Variants in SIX3 observed in about 807,000 individuals in gnomAD.
SIX3 encodes the protein homeobox protein SIX3.
A neutral mutation model predicts 21.7 loss-of-function variants in SIX3; 2 were observed. The observed-to-expected ratio is 0.09, with a 90% CI of 0.04 to 0.29. The LOEUF (loss-of-function observed/expected upper bound fraction) is 0.29. Ranked by LOEUF, SIX3 falls within the 10% of genes least tolerant of loss-of-function variation. The pLI is 1.00. For synonymous variants in SIX3, 243 were observed against 220.6 expected (o/e 1.10, Z -0.90); for missense variants, 347 against 480.7 (o/e 0.72, Z 2.60).
chr2:44,944,476 T>C lies in SIX3; in HGVS notation c.807-92T>C, dbSNP rs1369390374. The C allele has an allele frequency of 1.3e-5, 18 of 1,381,396 alleles. No individual in the cohort carries two copies. The East Asian group carries it at 4.0e-4, about 31-fold the overall frequency. 85.6% of individuals were successfully genotyped at this position (1,381,396 alleles called of 1,614,324 possible). On this transcript the variant is annotated intron_variant, in intron 1 of 1. Transcript: ENST00000260653. ...AGCCTCTATCTGAGAAGACTTGGGA[T>C]GCTCCCGAAAGCGGAATGGGGAGCG... is the stretch of plus-strand genomic sequence containing the variant.
chr2:44,942,728 G>A lies in SIX3; in HGVS notation c.624G>A (p.Gln208=). The change falls in exon 1 of 2, where the codon CAG becomes CAA. Residue 208 remains glutamine, a synonymous_variant. Coordinates refer to ENST00000260653, the MANE Select transcript of SIX3 (RefSeq NM_005413.4). This position sits in a 1 kb window ranked among gnomAD's most constrained non-coding sequence, Gnocchi z 8.4. ...CACGCACCATCTGGGACGGCGAGCAGAAGACGCATTGCTTCAAGGAGCGGA... is the reference window on the plus strand; with the variant it reads ...CACGCACCATCTGGGACGGCGAGCAAAAGACGCATTGCTTCAAGGAGCGGA... ...PLPRTIWDGE[Q]KTHCFKERTR... is the part of the protein sequence containing the mutation. 6.2e-7 allele frequency: 1 copy of A among 1,602,098 alleles called. No individual in the cohort carries two copies. The highest frequency in any genetic ancestry group is 1.1e-5 in the South Asian group (1 of 91,080).
chr2:44,945,003 T>TACC lies in SIX3; in HGVS notation c.*246_*248dup. 1.8e-6 allele frequency: 1 copy of TACC among 568,950 alleles called. No homozygotes were observed. 35.2% of individuals were successfully genotyped at this position (568,950 alleles called of 1,614,324 possible). On this transcript the variant is annotated 3_prime_UTR_variant, in exon 2 of 2. Coordinates refer to ENST00000260653, the MANE Select transcript of SIX3 (RefSeq NM_005413.4). Reference sequence around the variant, plus strand: ...CTATCAACAACCCCCAACCACCATCTACCACTACGGCCACCCCAAAGGACC... The same window carrying TACC: ...CTATCAACAACCCCCAACCACCATCTACCACCACTACGGCCACCCCAAAGGACC...
rs1427367260 is a variant in SIX3 at position 44,944,552 on chromosome 2, TC to T, written c.807-15del. On this transcript the variant is annotated splice_polypyrimidine_tract_variant and intron_variant, in intron 1 of 1. Transcript: ENST00000260653. The stretch of plus-strand genomic sequence containing the variant: ...GCCTCTGTGTCAGGGCGGGCGCGGA[TC>T]TCTTTCTCCCGCAGGCTCCAGCACC... 6.4e-7 allele frequency: 1 copy of T among 1,562,880 alleles called. No individual in the cohort carries two copies. The highest frequency in any genetic ancestry group is 1.8e-5 in the Admixed American group (1 of 57,016).
chr2:44,945,150 A>C lies in SIX3; in HGVS notation c.*390A>C. The C allele has an allele frequency of 4.5e-6, 1 of 224,332 alleles. No individual in the cohort carries two copies. Among genetic ancestry groups the C allele is most frequent in the South Asian group, 8.5e-5 (1 of 11,744 alleles). The allele number at this position is 224,332 out of a possible 1,614,324, so 13.9% of individuals were successfully genotyped here. ...TCGGTTCCCATGGACCCGGCACCCC[A>C]CCTGCATGACGATTTATTTGTATCT... On this transcript the variant is annotated 3_prime_UTR_variant, in exon 2 of 2. Transcript: ENST00000260653.
chr2:44,944,831 C>T lies in SIX3; in HGVS notation c.*71C>T. The T allele has an allele frequency of 1.6e-6, 2 of 1,273,358 alleles. No homozygotes were observed. Among genetic ancestry groups the T allele is most frequent in the Non-Finnish European group, 2.2e-6 (2 of 905,922 alleles). The allele number at this position is 1,273,358 out of a possible 1,614,324, so 78.9% of individuals were successfully genotyped here. ...CCTTCCCCTCCGCCTCCTAGCCCTC[C>T]TCCTCTTCCTCCTCTTCCTTCTCCT... On this transcript the variant is annotated 3_prime_UTR_variant, in exon 2 of 2. Coordinates refer to ENST00000260653, the MANE Select transcript of SIX3 (RefSeq NM_005413.4).
At chr2:44,944,468 A>T (rs1666648676) in intron 1 of SIX3, 100 bp from the exon 2 acceptor site, 1 of 1,343,342 alleles carries the variant, frequency 7.4e-7, no homozygotes, top group African/African-American at 1.4e-5. Flanking sequence ...ATCTGAGAAG[A>T]CTTGGGATGC....
rs1666688110 is a variant in SIX3, at chr2:44,946,070, C to T, written c.*1310C>T. On this transcript the variant is annotated 3_prime_UTR_variant, in exon 2 of 2. Transcript: ENST00000260653. ...AATACAGTATTCTCCATTTTCTTATCACTCCCAGAGACTGGTGTTTTTGTC... is the reference window on the plus strand; with the variant it reads ...AATACAGTATTCTCCATTTTCTTATTACTCCCAGAGACTGGTGTTTTTGTC... 6.6e-6 allele frequency: 1 copy of T among 152,252 alleles called. No homozygotes were observed. Among genetic ancestry groups the T allele is most frequent in the Non-Finnish European group, 1.5e-5 (1 of 68,048 alleles). The allele number at this position is 152,252 out of a possible 1,614,324, so 9.4% of individuals were successfully genotyped here.
chr2:44,944,719 A>G lies in SIX3; in HGVS notation c.958A>G (p.Ile320Val). 2 of 1,588,920 alleles carry G rather than the reference A, an allele frequency of 1.3e-6. No individual in the cohort carries two copies. Among genetic ancestry groups the G allele is most frequent in the Non-Finnish European group, 1.7e-6 (2 of 1,175,138 alleles). ...LTERADTGTS[I>V]LSVTSSDSEC... ...GGAGCGCGCAGACACCGGCACCTCC[A>G]TCCTCTCGGTAACCTCCAGCGACTC... Residue 320 changes from isoleucine to valine, a missense_variant, in exon 2 of 2, where the codon ATC becomes GTC. This residue lies in a region of SIX3 where 110 missense variants were observed against 93.3 expected (regional missense o/e 1.18). Coordinates refer to ENST00000260653, the MANE Select transcript of SIX3 (RefSeq NM_005413.4).
Position 44,941,991 on chromosome 2 carries a change from T to G in SIX3, c.-114T>G. 1 of 659,280 alleles carries G rather than the reference T, an allele frequency of 1.5e-6. No individual in the cohort carries two copies. Among genetic ancestry groups the G allele is most frequent in the South Asian group, 1.5e-5 (1 of 68,666 alleles). 40.8% of individuals were successfully genotyped at this position (659,280 alleles called of 1,614,324 possible). A position where few individuals can be genotyped will look rare whatever the true frequency, so the allele number is the denominator to read the frequency against. ...TCCTCCTGCTCCCCCCTCCTTTCCTTCTCCTCCTCCCCCCTCTCCTCTCCC... is the reference window on the plus strand; with the variant it reads ...TCCTCCTGCTCCCCCCTCCTTTCCTGCTCCTCCTCCCCCCTCTCCTCTCCC... On this transcript the variant is annotated 5_prime_UTR_variant, in exon 1 of 2. Coordinates refer to ENST00000260653, the MANE Select transcript of SIX3 (RefSeq NM_005413.4).
At chr2:44,943,012 C>G in intron 1 of SIX3, 102 bp downstream of exon 1, 3 of 1,467,128 alleles carry the variant, frequency 2.0e-6, no homozygotes, top group Admixed American at 5.1e-5. Context: ...GCCAGGGAAG[C>G]CGTGACTCCT....
rs1045816718 is a variant in SIX3 at position 44,944,877 on chromosome 2, C to G, written c.*117C>G. On this transcript the variant is annotated 3_prime_UTR_variant, in exon 2 of 2. Transcript: ENST00000260653. Reference sequence around the variant, plus strand: ...CTCCTCCTCCATCCCCAGAACAAACCGAAATCAGGATACCCAACCATACAC... The same window carrying G: ...CTCCTCCTCCATCCCCAGAACAAACGGAAATCAGGATACCCAACCATACAC... The G allele has an allele frequency of 6.3e-6, 6 of 958,734 alleles. No individual in the cohort carries two copies. In the African/African-American group the frequency reaches 9.7e-5, roughly 16 times the overall value. 59.4% of individuals were successfully genotyped at this position (958,734 alleles called of 1,614,324 possible). A position where few individuals can be genotyped will look rare whatever the true frequency, so the allele number is the denominator to read the frequency against.
chr2:44,942,198 AGCGGCGGCGGGAACGGTGCGGGAG>A lies in SIX3; in HGVS notation c.105_128del (p.Asn36_Gly43del). 1 of 1,595,694 alleles carries A rather than the reference AGCGGCGGCGGGAACGGTGCGGGAG, an allele frequency of 6.3e-7. No individual in the cohort carries two copies. The highest frequency in any genetic ancestry group is 1.1e-5 in the South Asian group (1 of 90,888). On this transcript the variant is annotated inframe_deletion, in exon 1 of 2. Transcript: ENST00000260653. The surrounding 1 kb of genome is among the most constrained non-coding windows in gnomAD (Gnocchi z 8.4). ...CCACCGCTCCATACTTCTGGCGAGT[AGCGGCGGCGGGAACGGTGCGGGAG>A]GCGGCGGCGGCGCGGGAGGCGGCAG...
At position 44,945,062 on chromosome 2, in the gene SIX3, C is replaced by T. The variant is rs1666663973; in HGVS notation, c.*302C>T. 1 of 504,306 alleles carries T rather than the reference C, an allele frequency of 2.0e-6. No individual in the cohort carries two copies. Among genetic ancestry groups the T allele is most frequent in the South Asian group, 2.3e-5 (1 of 44,196 alleles). The allele number at this position is 504,306 out of a possible 1,614,324, so 31.2% of individuals were successfully genotyped here. A position where few individuals can be genotyped will look rare whatever the true frequency, so the allele number is the denominator to read the frequency against. On this transcript the variant is annotated 3_prime_UTR_variant, in exon 2 of 2. Transcript: ENST00000260653. ...AACAGACAGTCAAACGCTGATGTTG[C>T]GGGCAGAAAACATAAAAGAGGTGAC... is the stretch of plus-strand genomic sequence containing the variant.
rs758933447 is a variant in SIX3 at position 44,944,616 on chromosome 2, G to A, written c.855G>A (p.Glu285=). ...IGPSGMRSLA[E]PGCPTHGSAE... ...CGAGCGGCATGCGCTCGCTGGCCGAGCCCGGCTGCCCCACGCACGGCTCGG... is the reference window on the plus strand; with the variant it reads ...CGAGCGGCATGCGCTCGCTGGCCGAACCCGGCTGCCCCACGCACGGCTCGG... The change falls in exon 2 of 2, where the codon GAG becomes GAA. Residue 285 remains glutamate (E), a synonymous_variant. Coordinates refer to ENST00000260653, the MANE Select transcript of SIX3 (RefSeq NM_005413.4). The A allele has an allele frequency of 5.1e-6, 8 of 1,574,474 alleles. No homozygotes were observed. In the East Asian group the frequency reaches 7.0e-5, roughly 14 times the overall value.
At position 44,944,652 on chromosome 2, in the gene SIX3, G is replaced by T. The variant is rs956722583; in HGVS notation, c.891G>T (p.Pro297=). The change falls in exon 2 of 2, where the codon CCG becomes CCT. Residue 297 remains proline, a synonymous_variant. Coordinates refer to ENST00000260653, the MANE Select transcript of SIX3 (RefSeq NM_005413.4). ...GCPTHGSAES[P]STAASPTTSV... ...CCACGCACGGCTCGGCAGAGTCGCC[G>T]TCCACGGCGGCCAGCCCGACCACCA... is the stretch of plus-strand genomic sequence containing the variant. 17 of 1,575,714 alleles carry T rather than the reference G, an allele frequency of 1.1e-5. No individual in the cohort carries two copies. Among genetic ancestry groups the T allele is most frequent in the Non-Finnish European group, 1.2e-5 (14 of 1,168,782 alleles).
rs757487016 is a variant in SIX3 at position 44,942,318 on chromosome 2, G to T, written c.214G>T (p.Ala72Ser). Residue 72 changes from alanine (A) to serine (S), a missense_variant, in exon 1 of 2, where the codon GCC becomes TCC. By Grantham distance (99) the Ala-to-Ser change is moderately conservative (BLOSUM62 1). Around this residue, in one of 4 missense-constraint regions of SIX3, gnomAD observed 105 missense variants for 116.1 expected, o/e 0.90. Transcript: ENST00000260653. This position sits in a 1 kb window ranked among gnomAD's most constrained non-coding sequence, Gnocchi z 8.4. ...AGGGGGGGSR[A>S]PPEELSMFQL... ...CGGCGGCGGCGGCGGCGGCTCCAGG[G>T]CCCCCCCGGAAGAGTTGTCCATGTT... The T allele has an allele frequency of 6.3e-7, 1 of 1,589,676 alleles. No homozygotes were observed. The highest frequency in any genetic ancestry group is 1.3e-5 in the African/African-American group (1 of 74,560).
In SIX3 at chr2:44,941,922, G is replaced by A; in HGVS notation, c.-183G>A. Reference sequence around the variant, plus strand: ...CGCGGGTGTGTGTGTGTGTGGATGTGTGTGGGGTGTGGGTGTCCCTTACGC... The same window carrying A: ...CGCGGGTGTGTGTGTGTGTGGATGTATGTGGGGTGTGGGTGTCCCTTACGC... On this transcript the variant is annotated 5_prime_UTR_variant, in exon 1 of 2. It adds an upstream start codon to the 5' untranslated region. Transcript: ENST00000260653. The A allele has an allele frequency of 1.7e-6, 1 of 587,818 alleles. No individual in the cohort carries two copies. The allele number at this position is 587,818 out of a possible 1,614,324, so 36.4% of individuals were successfully genotyped here. A position where few individuals can be genotyped will look rare whatever the true frequency, so the allele number is the denominator to read the frequency against.
Position 44,944,581 on chromosome 2 carries a change from G to C in SIX3, c.820G>C (p.Ala274Pro). The change falls in exon 2 of 2, where the codon GCC becomes CCC. Residue 274 changes from alanine to proline, a missense_variant. Around this residue, in one of 4 missense-constraint regions of SIX3, gnomAD observed 110 missense variants for 93.3 expected, o/e 1.18. Coordinates refer to ENST00000260653, the MANE Select transcript of SIX3 (RefSeq NM_005413.4). ...AAAKNRLQHQAIGPSGMRSLA... is the reference protein window; with the variant it reads ...AAAKNRLQHQPIGPSGMRSLA... ...TTTCTCCCGCAGGCTCCAGCACCAGGCCATTGGACCGAGCGGCATGCGCTC... is the reference window on the plus strand; with the variant it reads ...TTTCTCCCGCAGGCTCCAGCACCAGCCCATTGGACCGAGCGGCATGCGCTC... 6.3e-7 allele frequency: 1 copy of C among 1,578,072 alleles called. No homozygotes were observed. Among genetic ancestry groups the C allele is most frequent in the Non-Finnish European group, 8.6e-7 (1 of 1,168,998 alleles).
chr2:44,942,959 G>T lies in SIX3; in HGVS notation c.806+49G>T, dbSNP rs1199913353. Reference sequence around the variant, plus strand: ...GGCTACAGCCTCAGAGGCCTGGGAAGGGGAGAGGGGTTGAGATGGGGCTAG... The same window carrying T: ...GGCTACAGCCTCAGAGGCCTGGGAATGGGAGAGGGGTTGAGATGGGGCTAG... On this transcript the variant is annotated intron_variant, in intron 1 of 1. Coordinates refer to ENST00000260653, the MANE Select transcript of SIX3 (RefSeq NM_005413.4). This position sits in a 1 kb window ranked among gnomAD's most constrained non-coding sequence, Gnocchi z 8.4. 1 of 1,570,148 alleles carries T rather than the reference G, an allele frequency of 6.4e-7. No homozygotes were observed. The highest frequency in any genetic ancestry group is 8.6e-7 in the Non-Finnish European group (1 of 1,165,810).
Sources: gnomAD v4.1 joint callset for allele counts on GRCh38, gnomAD v4.1.1 for gene constraint, gnomAD v4.1.1 regional missense constraint, Gnocchi (gnomAD v3.1) non-coding constraint, MANE v1.5 for transcripts, NCBI Gene and HGNC (gene_info 2026-07-23, HGNC 2026-07-21) for gene names.